Variants in VARS2 observed in about 807,000 individuals in gnomAD.
The protein encoded by VARS2 is valine--tRNA ligase, mitochondrial.
In VARS2, 105 loss-of-function variants were observed where a neutral mutation model predicts 154.1. The ratio of observed to expected loss-of-function variants is 0.68; its 90% confidence interval spans 0.58 to 0.80. The LOEUF (loss-of-function observed/expected upper bound fraction) is 0.80, where lower values mean the gene tolerates loss of function less well. Among genes scored for constraint, VARS2 ranks in the 30% least tolerant of loss-of-function variants. The probability of loss-of-function intolerance (pLI) is 0.00; values close to 1 mark genes in which losing one functional copy is unlikely to be tolerated. For missense variants in VARS2, 1,157 were observed against 1,361.4 expected, an observed-to-expected ratio of 0.85 and a Z score of 2.36; for synonymous variants, 483 against 539.5, an observed-to-expected ratio of 0.90 and a Z score of 1.45.
At position 30,920,174 on chromosome 6, in the gene VARS2, G is replaced by A. The variant is rs766803534; in HGVS notation, c.1251G>A (p.Ala417=). Residue 417 remains alanine (A), a synonymous_variant, in exon 13 of 30, where the codon GCG becomes GCA. Coordinates refer to ENST00000676266, the MANE Select transcript of VARS2 (RefSeq NM_020442.6). The surrounding 1 kb of genome is among the most constrained non-coding windows in gnomAD (Gnocchi z 4.6). ...GCTTGAGCCCCTTGAATGTCATTGC[G>A]GAGGATGGGACCATGACCTCCCTCT... ...RHGLSPLNVI[A]EDGTMTSLCG... is the part of the protein sequence containing the mutation. 2.9e-5 allele frequency: 46 copies of A among 1,594,398 alleles called. No individual in the cohort carries two copies. The highest frequency in any genetic ancestry group is 6.8e-5 in the South Asian group (6 of 88,260).
chr6:30,914,782 T>A (rs769516077), intron 1 of VARS2, 28 bp from the exon 2 acceptor site: 11 of 1,599,628 alleles, frequency 6.9e-6, no homozygotes, highest in Non-Finnish European at 9.4e-6. Flanking sequence ...CCCCATATCC[T>A]AATGTGCTCT....
chr6:30,915,528 G>C, intron 4 of VARS2, 73 bp downstream of exon 4: 2 of 1,502,962 alleles, frequency 1.3e-6, no homozygotes, highest in Non-Finnish European at 1.8e-6. Flanking sequence ...CTGGACCTCA[G>C]AGTTGAGCTC....
Position 30,917,725 on chromosome 6 carries a change from C to G in VARS2, c.904C>G (p.Gln302Glu). The G allele has an allele frequency of 6.4e-7, 1 of 1,566,686 alleles. No individual in the cohort carries two copies. The highest frequency in any genetic ancestry group is 1.9e-5 in the Admixed American group (1 of 53,084). ...GAACCGGCCCCTGCCTGGCCACACA[C>G]AGCTTCGACTGCCTGGCTGCCCCAC... ...VENRPLPGHT[Q>E]LRLPGCPTPV... is the part of the protein sequence containing the mutation. Residue 302 changes from glutamine (Q) to glutamate (E), a missense_variant, in exon 10 of 30, where the codon CAG becomes GAG. Gln to Glu is a conservative substitution (Grantham distance 29). Transcript: ENST00000676266. The surrounding 1 kb of genome is among the most constrained non-coding windows in gnomAD (Gnocchi z 4.4).
chr6:30,919,118 GC>G lies in VARS2; in HGVS notation c.1074+204del, dbSNP rs1794351158. On this transcript the variant is annotated intron_variant, in intron 11 of 29. Transcript: ENST00000676266. The surrounding 1 kb of genome is among the most constrained non-coding windows in gnomAD (Gnocchi z 4.5). ...CAAACTGGCCCATGGTCCTAATCCA[GC>G]TTGCGGCCTTTTTTTTTGAGACAGA... 1.9e-6 allele frequency: 1 copy of G among 539,948 alleles called. No individual in the cohort carries two copies. Among genetic ancestry groups the G allele is most frequent in the Non-Finnish European group, 3.3e-6 (1 of 302,208 alleles). 33.4% of individuals were successfully genotyped at this position (539,948 alleles called of 1,614,324 possible). A position where few individuals can be genotyped will look rare whatever the true frequency, so the allele number is the denominator to read the frequency against.
rs1794841426 is a variant in VARS2, at chr6:30,926,423, G to C, written c.*213G>C. The C allele has an allele frequency of 1.7e-6, 1 of 599,226 alleles. No individual in the cohort carries two copies. Among genetic ancestry groups the C allele is most frequent in the African/African-American group, 1.9e-5 (1 of 53,914 alleles). 37.1% of individuals were successfully genotyped at this position (599,226 alleles called of 1,614,324 possible). A position where few individuals can be genotyped will look rare whatever the true frequency, so the allele number is the denominator to read the frequency against. On this transcript the variant is annotated 3_prime_UTR_variant, in exon 30 of 30. Coordinates refer to ENST00000676266, the MANE Select transcript of VARS2 (RefSeq NM_020442.6). ...GCCTGCCTCCCACCTGGAAGTCTGG[G>C]AATGAGGAGATTGAGATAAACTTTT...
rs376325621 is a variant in VARS2, at chr6:30,916,139, A to G, written c.574-13A>G. ...AACCTGACTCTGTTCATTTGCCCTGAATCCAACTGCAGGCTGTGGTGGAGA... is the reference window on the plus strand; with the variant it reads ...AACCTGACTCTGTTCATTTGCCCTGGATCCAACTGCAGGCTGTGGTGGAGA... On this transcript the variant is annotated splice_polypyrimidine_tract_variant and intron_variant, in intron 6 of 29. Coordinates refer to ENST00000676266, the MANE Select transcript of VARS2 (RefSeq NM_020442.6). This position sits in a 1 kb window ranked among gnomAD's most constrained non-coding sequence, Gnocchi z 4.0. 8.7e-6 allele frequency: 14 copies of G among 1,613,744 alleles called. No homozygotes were observed. In the African/African-American group the frequency reaches 1.9e-4, roughly 22 times the overall value.
chr6:30,914,857 C>G lies in VARS2; in HGVS notation c.21C>G (p.Ala7=). MPHLPL[A]SFRPPFWGLR... The stretch of plus-strand genomic sequence containing the variant: ...TCCTGATGCCTCATTTGCCTCTCGC[C>G]TCTTTTCGACCACCATTTTGGGGGC... Residue 7 remains alanine, a synonymous_variant, in exon 2 of 30, where the codon GCC becomes GCG. Transcript: ENST00000676266. 1 of 1,612,824 alleles carries G rather than the reference C, an allele frequency of 6.2e-7. No individual in the cohort carries two copies. The highest frequency in any genetic ancestry group is 8.5e-7 in the Non-Finnish European group (1 of 1,179,968).
At position 30,918,385 on chromosome 6, in the gene VARS2, G is replaced by A. The variant is rs143646202; in HGVS notation, c.986-442G>A. On this transcript the variant is annotated intron_variant, in intron 10 of 29. Transcript: ENST00000676266. ...CTGGCCTCTAAGGTGTGGTTTTTAC[G>A]GTAAATGTTCTGAAGAGCTCAGAGA... is the stretch of plus-strand genomic sequence containing the variant. 2.9e-3 allele frequency among the ~76,000 whole-genome samples: 434 copies of A among 152,214 alleles called. 4 individuals are homozygous for A. Among genetic ancestry groups the A allele is most frequent in the African/African-American group, 9.8e-3 (408 of 41,532 alleles).
rs762287075 is a variant in VARS2 at position 30,920,139 on chromosome 6, G to C, written c.1216G>C (p.Ala406Pro). Residue 406 changes from alanine to proline, a missense_variant, in exon 13 of 30, where the codon GCC (alanine) becomes CCC (proline). Physicochemically the swap from Ala to Pro is conservative, Grantham distance 27. Coordinates refer to ENST00000676266, the MANE Select transcript of VARS2 (RefSeq NM_020442.6). The surrounding 1 kb of genome is among the most constrained non-coding windows in gnomAD (Gnocchi z 4.6). ...CAGTCCTGCCGATGCTGAGATGGGG[G>C]CCCGACATGGCTTGAGCCCCTTGAA... is the stretch of plus-strand genomic sequence containing the variant. ...AHSPADAEMG[A>P]RHGLSPLNVI... 1.9e-5 allele frequency: 30 copies of C among 1,587,718 alleles called. No individual in the cohort carries two copies. The highest frequency in any genetic ancestry group is 6.7e-5 in the East Asian group (3 of 44,536).
At position 30,922,525 on chromosome 6, in the gene VARS2, A is replaced by G. The variant is rs770145709; in HGVS notation, c.2008A>G (p.Arg670Gly). The G allele has an allele frequency of 2.5e-5, 40 of 1,578,794 alleles. No homozygotes were observed. Among genetic ancestry groups the G allele is most frequent in the Non-Finnish European group, 1.0e-5 (12 of 1,162,484 alleles). The change falls in exon 21 of 30, where the codon AGA becomes GGA. Residue 670 changes from arginine (R) to glycine (G), a missense_variant. By Grantham distance (125) the Arg-to-Gly change is moderately radical (BLOSUM62 -2). Transcript: ENST00000676266. Reference sequence around the variant, plus strand: ...GTCCCTGGGGAATGTGCTGGACCCAAGAGACATCATCAGTGGGGTGGAGAT... The same window carrying G: ...GTCCCTGGGGAATGTGCTGGACCCAGGAGACATCATCAGTGGGGTGGAGAT... Reference protein sequence around the residue: ...SKSLGNVLDPRDIISGVEMQV... With the variant: ...SKSLGNVLDPGDIISGVEMQV...
In VARS2 at chr6:30,922,515, G is replaced by T; in HGVS notation, c.1998G>T (p.Val666=). ...GRKMSKSLGN[V]LDPRDIISGV... ...AGATGAGCAAGTCCCTGGGGAATGT[G>T]CTGGACCCAAGAGACATCATCAGTG... The change falls in exon 21 of 30, where the codon GTG becomes GTT. Residue 666 remains valine, a synonymous_variant. Transcript: ENST00000676266. 1 of 1,589,080 alleles carries T rather than the reference G, an allele frequency of 6.3e-7. No individual in the cohort carries two copies. The highest frequency in any genetic ancestry group is 8.6e-7 in the Non-Finnish European group (1 of 1,168,416).
Position 30,916,142 on chromosome 6 carries a change from C to T in VARS2, c.574-10C>T. The T allele has an allele frequency of 6.2e-7, 1 of 1,613,818 alleles. No homozygotes were observed. The highest frequency in any genetic ancestry group is 8.5e-7 in the Non-Finnish European group (1 of 1,179,824). ...CTGACTCTGTTCATTTGCCCTGAAT[C>T]CAACTGCAGGCTGTGGTGGAGAAAC... On this transcript the variant is annotated splice_polypyrimidine_tract_variant and intron_variant, in intron 6 of 29. Transcript: ENST00000676266. This position sits in a 1 kb window ranked among gnomAD's most constrained non-coding sequence, Gnocchi z 4.0.
Position 30,917,301 on chromosome 6 carries a change from AG to A in VARS2, c.873+78del. ...CAATGATTAAGAGCTCAGACTCTGG[AG>A]CCAGGGTGCCTGGATTCAAATCTGA... On this transcript the variant is annotated intron_variant, in intron 9 of 29. Transcript: ENST00000676266. This position sits in a 1 kb window ranked among gnomAD's most constrained non-coding sequence, Gnocchi z 4.4. 6.2e-7 allele frequency: 1 copy of A among 1,607,168 alleles called. No individual in the cohort carries two copies. The highest frequency in any genetic ancestry group is 8.5e-7 in the Non-Finnish European group (1 of 1,175,328).
At position 30,920,024 on chromosome 6, in the gene VARS2, T is replaced by TGAC. The variant is rs1794407969; in HGVS notation, c.1166-63_1166-62insCGA. On this transcript the variant is annotated intron_variant, in intron 12 of 29. Transcript: ENST00000676266. This position sits in a 1 kb window ranked among gnomAD's most constrained non-coding sequence, Gnocchi z 4.6. ...GGGGCTGGGGCGGTGCAGGTGATGA[T>TGAC]GATACATCTGGAAAAGCAAAAGCCA... 3.7e-6 allele frequency: 2 copies of TGAC among 539,256 alleles called. No individual in the cohort carries two copies. The highest frequency in any genetic ancestry group is 2.4e-6 in the Non-Finnish European group (1 of 411,626). 33.4% of individuals were successfully genotyped at this position (539,256 alleles called of 1,614,324 possible).
chr6:30,918,938 A>G, intron 11 of VARS2, 23 bp downstream of exon 11: 1 of 1,601,518 alleles, frequency 6.2e-7, no homozygotes, highest in Non-Finnish European at 8.5e-7. Flanking sequence ...GCGCTCCTGC[A>G]CTCTGGCCCG....
chr6:30,920,231 T>C lies in VARS2; in HGVS notation c.1293+15T>C. On this transcript the variant is annotated intron_variant, in intron 13 of 29. Coordinates refer to ENST00000676266, the MANE Select transcript of VARS2 (RefSeq NM_020442.6). This position sits in a 1 kb window ranked among gnomAD's most constrained non-coding sequence, Gnocchi z 4.6. Reference sequence around the variant, plus strand: ...ACTGGCTGCAGGTGGTACCACCCTATGTTACCCCATCCTTTGGGGGCTCTC... The same window carrying C: ...ACTGGCTGCAGGTGGTACCACCCTACGTTACCCCATCCTTTGGGGGCTCTC... The C allele has an allele frequency of 1.3e-6, 2 of 1,564,502 alleles. No homozygotes were observed. The highest frequency in any genetic ancestry group is 1.7e-6 in the Non-Finnish European group (2 of 1,155,178).
chr6:30,923,390 G>A lies in VARS2; in HGVS notation c.2351G>A (p.Ser784Asn). ...PSSPMDAWIL[S>N]RLALAAQECE... The stretch of plus-strand genomic sequence containing the variant: ...TCCCCGATGGATGCCTGGATCCTGA[G>A]CCGCCTTGCCCTGGCTGCCCAGGAG... Residue 784 changes from serine (S) to asparagine (N), a missense_variant, in exon 25 of 30, where the codon AGC (serine) becomes AAC (asparagine). Ser to Asn is a conservative substitution (Grantham distance 46). Transcript: ENST00000676266. 1 of 1,612,010 alleles carries A rather than the reference G, an allele frequency of 6.2e-7. No homozygotes were observed. Among genetic ancestry groups the A allele is most frequent in the Non-Finnish European group, 8.5e-7 (1 of 1,179,750 alleles).
Position 30,919,890 on chromosome 6 carries a change from G to C in VARS2, c.1165+42G>C, listed in dbSNP as rs750863170. The C allele has an allele frequency of 1.1e-5, 17 of 1,516,236 alleles. No individual in the cohort carries two copies. Among genetic ancestry groups the C allele is most frequent in the Non-Finnish European group, 1.3e-5 (15 of 1,126,664 alleles). The allele number at this position is 1,516,236 out of a possible 1,614,324, so 93.9% of individuals were successfully genotyped here. ...GGAGGGAGAGAAAGTTGGGGGTCCT[G>C]GAGGAGAGGGGAGGGAACCAGGAGG... On this transcript the variant is annotated intron_variant, in intron 12 of 29. Transcript: ENST00000676266. This position sits in a 1 kb window ranked among gnomAD's most constrained non-coding sequence, Gnocchi z 4.5.
At position 30,920,717 on chromosome 6, in the gene VARS2, C is replaced by T. The variant is rs372098497; in HGVS notation, c.1447C>T (p.Arg483Cys). ...EYLLKNQWFV[R>C]CQEMGARAAK... ...CCTGCTGAAGAACCAGTGGTTTGTC[C>T]GCTGCCAGGAAATGGGGGCCCGAGC... Residue 483 changes from arginine to cysteine, a missense_variant, in exon 15 of 30, where the codon CGC becomes TGC. Physicochemically the swap from Arg to Cys is radical, Grantham distance 180. Transcript: ENST00000676266. The surrounding 1 kb of genome is among the most constrained non-coding windows in gnomAD (Gnocchi z 4.6). The T allele has an allele frequency of 1.7e-5, 27 of 1,600,346 alleles. No homozygotes were observed. Among genetic ancestry groups the T allele is most frequent in the Middle Eastern group, 1.7e-4 (1 of 6,058 alleles).
Sources: gnomAD v4.1 joint callset for allele counts (sites outside exome capture counted in the v4.1 genomes callset) on GRCh38, gnomAD v4.1.1 for gene constraint, Gnocchi (gnomAD v3.1) non-coding constraint, MANE v1.5 for transcripts, NCBI Gene and HGNC (gene_info 2026-07-23, HGNC 2026-07-21) for gene names.